Variants in LRRC28 observed in about 807,000 individuals in gnomAD.
LRRC28 encodes the protein leucine-rich repeat-containing protein 28.
Under a neutral mutation model 45.7 loss-of-function variants are expected in LRRC28, and 39 were observed. That is an observed-to-expected ratio of 0.85 (90% CI 0.66 to 1.12). The LOEUF is 1.12. LRRC28 is among the 50% of genes most tolerant of loss of function. LRRC28 has a pLI of 0.00. For synonymous variants in LRRC28, 206 were observed against 178.8 expected (o/e 1.15, Z -1.22); for missense variants, 435 against 438.5 (o/e 0.99, Z 0.07).
intron 5 of LRRC28, among the ~76,000 whole-genome samples, chr15:99,316,158 A>G (rs1047508303): frequency 1.3e-5 from 2 of 152,168 alleles, no homozygotes; most frequent in African/African-American, 2.4e-5. Flanking sequence ...TGTTGTATCT[A>G]TGTTGACAAT....
chr15:99,367,706 C>A (rs1325093741), intron 9 of LRRC28, among the ~76,000 whole-genome samples: 2 of 152,128 alleles, frequency 1.3e-5, no homozygotes, highest in African/African-American at 2.4e-5. Flanking sequence ...TAAAGCAAGG[C>A]TTGTGGGAAT....
intron 2 of LRRC28, chr15:99,258,496 T>C (rs914060093): frequency 3.9e-6 from 3 of 763,224 alleles, no homozygotes; most frequent in Non-Finnish European, 7.1e-6. Context: ...TAAGGAGCCA[T>C]GAAGGAAGAA....
chr15:99,293,897 C>A (rs1257883075), intron 5 of LRRC28, among the ~76,000 whole-genome samples: 1 of 152,010 alleles, frequency 6.6e-6, no homozygotes, highest in East Asian at 1.9e-4. Context: ...CTCAGTTTTT[C>A]TTTATGCAAA....
chr15:99,376,162 C>G (rs1018355408), intron 9 of LRRC28, among the ~76,000 whole-genome samples: 1 of 152,048 alleles, frequency 6.6e-6, no homozygotes, highest in Admixed American at 6.6e-5. Context: ...ATCGTATTTT[C>G]ATCTTCTTTC....
At chr15:99,259,793 G>T (rs886637609) in intron 2 of LRRC28, 1 of 1,053,556 alleles carries the variant, frequency 9.5e-7, no homozygotes, top group South Asian at 1.3e-5. Context: ...GCAGTGATTC[G>T]GTCAGGATGT....
chr15:99,256,196 C>T, intron 2 of LRRC28, 71 bp downstream of exon 2: 15 of 1,295,774 alleles, frequency 1.2e-5, no homozygotes, highest in Non-Finnish European at 1.6e-5. Flanking sequence ...ATTTACATAC[C>T]CTAAGGTATT....
At chr15:99,273,386 A>C (rs778425017) in intron 2 of LRRC28, among the ~76,000 whole-genome samples, 1 of 151,916 alleles carries the variant, frequency 6.6e-6, no homozygotes. Context: ...ACAGGCACTC[A>C]CCACCACGCC....
intron 3 of LRRC28, among the ~76,000 whole-genome samples, chr15:99,283,763 A>G (rs1420788612): frequency 6.6e-6 from 1 of 152,194 alleles, no homozygotes; most frequent in Non-Finnish European, 1.5e-5. Flanking sequence ...CCCCAAAGTG[A>G]CATTCCCCAC....
intron 9 of LRRC28, among the ~76,000 whole-genome samples, chr15:99,366,156 G>C (rs957212855): frequency 1.3e-5 from 2 of 152,164 alleles, no homozygotes; most frequent in African/African-American, 4.8e-5. Context: ...GAAATTTATT[G>C]TATCTCAGTT....
At chr15:99,380,318 T>C (rs930515754) in intron 9 of LRRC28, among the ~76,000 whole-genome samples, 2 of 152,242 alleles carry the variant, frequency 1.3e-5, no homozygotes, top group Non-Finnish European at 2.9e-5. Context: ...TTTTGATCTT[T>C]GTTGGTTTAA....
chr15:99,259,540 A>G (rs773978276), intron 2 of LRRC28: 4 of 1,248,664 alleles, frequency 3.2e-6, no homozygotes, highest in Non-Finnish European at 2.4e-6. Context: ...GCCTGACAGA[A>G]TCTCTGTGTG....
intron 7 of LRRC28, among the ~76,000 whole-genome samples, chr15:99,360,773 T>G (rs1364963387): frequency 2.0e-5 from 3 of 152,206 alleles, no homozygotes; most frequent in Non-Finnish European, 2.9e-5. Context: ...ATCTCTGCCT[T>G]CTGGTTATGA....
At chr15:99,275,944 T>C (rs2081606542) in intron 2 of LRRC28, among the ~76,000 whole-genome samples, 1 of 152,148 alleles carries the variant, frequency 6.6e-6, no homozygotes, top group South Asian at 2.1e-4. Context: ...CGAAGCTTCA[T>C]CTGTATTTAT....
At chr15:99,285,806 AT>A (rs1159514530) in intron 3 of LRRC28, 3 of 455,244 alleles carry the variant, frequency 6.6e-6, no homozygotes, top group African/African-American at 4.1e-5. Context: ...GTTGAAAAAA[AT>A]TTTTTTAATC....
rs1957986201 is a variant in LRRC28 at position 99,386,233 on chromosome 15, C to T, written c.*131C>T. 2.8e-6 allele frequency: 2 copies of T among 724,246 alleles called. No homozygotes were observed. The highest frequency in any genetic ancestry group is 2.1e-5 in the Admixed American group (1 of 47,932). 44.9% of individuals were successfully genotyped at this position (724,246 alleles called of 1,614,324 possible). ...ACTCTCTAGAAATGTCATGATTGAG[C>T]TTCAGAGCTAAAATGCCTTCACCCT... On this transcript the variant is annotated 3_prime_UTR_variant, in exon 10 of 10. Coordinates refer to ENST00000301981, the MANE Select transcript of LRRC28 (RefSeq NM_144598.5).
chr15:99,305,842 C>T (rs979805737), intron 5 of LRRC28, among the ~76,000 whole-genome samples: 4 of 152,156 alleles, frequency 2.6e-5, no homozygotes, highest in Non-Finnish European at 5.9e-5. Context: ...CTGAGCTCTA[C>T]ATAAAGTATG....
intron 6 of LRRC28, among the ~76,000 whole-genome samples, chr15:99,345,051 A>C (rs1026773066): frequency 6.6e-6 from 1 of 152,210 alleles, no homozygotes; most frequent in African/African-American, 2.4e-5. Context: ...GGAGAAGGTT[A>C]TGTGCCAAGA....
At position 99,361,457 on chromosome 15, in the gene LRRC28, C is replaced by T; in HGVS notation, c.817C>T (p.Leu273=). 2 of 1,613,922 alleles carry T rather than the reference C, an allele frequency of 1.2e-6. No individual in the cohort carries two copies. Among genetic ancestry groups the T allele is most frequent in the Non-Finnish European group, 1.7e-6 (2 of 1,179,926 alleles). The change falls in exon 8 of 10, where the codon CTG becomes TTG. Residue 273 remains leucine, a synonymous_variant. Transcript: ENST00000301981. ...IGTEHDHVLP[L]QELAMRGLYH... ...GACGGAGCATGATCACGTCCTCCCT[C>T]TGCAGGAATTGGCTATGAGAGGGCT...
intron 5 of LRRC28, chr15:99,317,390 T>C (rs1469405549): frequency 1.3e-5 from 2 of 152,164 alleles, no homozygotes; most frequent in African/African-American, 4.8e-5. Flanking sequence ...TTTCCTGACT[T>C]GATAATGCTC....
Sources: allele counts gnomAD v4.1 joint callset (sites outside exome capture counted in the v4.1 genomes callset), GRCh38; gene constraint gnomAD v4.1.1; transcripts MANE v1.5; gene names NCBI Gene and HGNC (gene_info 2026-07-23, HGNC 2026-07-21).